Variants in PPARA observed in about 807,000 individuals in gnomAD.
PPARA encodes the protein peroxisome proliferator-activated receptor alpha.
A neutral mutation model predicts 42.2 loss-of-function variants in PPARA; 22 were observed. The ratio of observed to expected loss-of-function variants is 0.52; its 90% CI spans 0.37 to 0.74. The LOEUF is 0.74. PPARA is among the 30% of genes least tolerant of loss of function. The pLI, the probability that PPARA is intolerant of heterozygous loss-of-function variation, is 0.00. For missense variants in PPARA, 465 were observed against 608.2 expected (o/e 0.76, Z 2.48); for synonymous variants, 242 against 239.3 (o/e 1.01, Z -0.10).
chr22:46,175,478 C>T (rs1928890507), intron 2 of PPARA, among the ~76,000 whole-genome samples: 1 of 151,656 alleles, frequency 6.6e-6, no homozygotes, highest in Non-Finnish European at 1.5e-5. Context: ...CTTTGGGAGG[C>T]CGAGGCAGGC....
At chr22:46,178,493 G>A (rs764483121) in intron 3 of PPARA, among the ~76,000 whole-genome samples, 2 of 152,192 alleles carry the variant, frequency 1.3e-5, no homozygotes, top group Non-Finnish European at 1.5e-5. Flanking sequence ...AGGGGAAACT[G>A]AGGCAGATCT....
chr22:46,212,575 A>G lies in PPARA; in HGVS notation c.209-2598A>G, dbSNP rs565836595. Among the ~76,000 whole-genome samples, 95 of 152,310 alleles carry G rather than the reference A, an allele frequency of 6.2e-4. No individual in the cohort carries two copies. The highest frequency in any genetic ancestry group is 1.8e-3 in the Admixed American group (27 of 15,292). ...AGCAATATGCATTTAAGAGTCATCC[A>G]TGTCTTTCCATGGCTTGATATCTCA... On this transcript the variant is annotated intron_variant, in intron 4 of 8. Coordinates refer to ENST00000407236, the MANE Select transcript of PPARA (RefSeq NM_005036.6). This position sits in a 1 kb window ranked among gnomAD's most constrained non-coding sequence, Gnocchi z 4.2.
intron 3 of PPARA, among the ~76,000 whole-genome samples, chr22:46,186,941 G>A (rs9626751): frequency 0.092 from 13,957 of 152,100 alleles, 743 homozygotes; most frequent in African/African-American, 0.14. Context: ...ATAATAAAAT[G>A]GAACAATTAT....
At chr22:46,198,783 C>T (rs1891379942) in intron 4 of PPARA, among the ~76,000 whole-genome samples, 192 bp downstream of exon 4, 1 of 151,728 alleles carries the variant, frequency 6.6e-6, no homozygotes, top group Non-Finnish European at 1.5e-5. Context: ...GCCTCAGCCT[C>T]CCGAGTAGCT....
intron 4 of PPARA, among the ~76,000 whole-genome samples, chr22:46,210,034 T>C (rs567026222): frequency 2.0e-5 from 3 of 151,396 alleles, no homozygotes; most frequent in East Asian, 4.0e-4. Flanking sequence ...CATGAGCCAC[T>C]GTACCCAGCC....
chr22:46,182,061 G>C lies in PPARA; in HGVS notation c.-43+5225G>C, dbSNP rs1216161009. ...GGGTTTTGCCACATTGGCCAGGCTG[G>C]TCTTGAACTCCTGACCTCAGACAGT... On this transcript the variant is annotated intron_variant, in intron 3 of 8. Coordinates refer to ENST00000407236, the MANE Select transcript of PPARA (RefSeq NM_005036.6). The surrounding 1 kb of genome is among the most constrained non-coding windows in gnomAD (Gnocchi z 5.2). Among the ~76,000 whole-genome samples the C allele has an allele frequency of 1.3e-5, 2 of 152,194 alleles. No individual in the cohort carries two copies. Among genetic ancestry groups the C allele is most frequent in the African/African-American group, 2.4e-5 (1 of 41,450 alleles).
intron 7 of PPARA, chr22:46,220,237 GTTA>G: frequency 1.6e-6 from 1 of 607,348 alleles, no homozygotes; most frequent in Admixed American, 2.7e-5. Flanking sequence ...TAGCAACTAA[GTTA>G]TTATACTGGC....
chr22:46,210,216 G>A (rs1933786132), intron 4 of PPARA, among the ~76,000 whole-genome samples: 1 of 150,664 alleles, frequency 6.6e-6, no homozygotes, highest in African/African-American at 2.4e-5. Context: ...GGCTGAGGCA[G>A]GAGAATTGCT....
Position 46,219,874 on chromosome 22 carries a change from TG to T in PPARA, c.572del (p.Cys191LeufsTer5). Reference protein sequence around the residue: ...KAKLKAEILTCEHDIEDSETA... With the variant: ...KAKLKAEILTXEHDIEDSETA... Reference sequence around the variant, plus strand: ...AAAACTGAAAGCAGAAATTCTTACCTGTGAACATGACATAGAAGATTCTGAA... The same window carrying T: ...AAAACTGAAAGCAGAAATTCTTACCTTGAACATGACATAGAAGATTCTGAA... On this transcript the variant is annotated frameshift_variant, in exon 7 of 9. Transcript: ENST00000407236. LOFTEE classifies it high-confidence loss of function. This position sits in a 1 kb window ranked among gnomAD's most constrained non-coding sequence, Gnocchi z 4.8. 1.2e-6 allele frequency: 2 copies of T among 1,614,202 alleles called. No homozygotes were observed. The highest frequency in any genetic ancestry group is 1.7e-6 in the Non-Finnish European group (2 of 1,180,042).
At position 46,203,956 on chromosome 22, in the gene PPARA, T is replaced by C. The variant is rs919869316; in HGVS notation, c.208+5365T>C. On this transcript the variant is annotated intron_variant, in intron 4 of 8. Transcript: ENST00000407236. The surrounding 1 kb of genome is among the most constrained non-coding windows in gnomAD (Gnocchi z 5.8). ...CCTGCATCTATCAGTAGTGCCTCTG[T>C]CTGTCACCCCTAAAGTTTACTTGTG... Among the ~76,000 whole-genome samples the C allele has an allele frequency of 1.3e-5, 2 of 150,268 alleles. No homozygotes were observed. Among genetic ancestry groups the C allele is most frequent in the Non-Finnish European group, 1.5e-5 (1 of 68,018 alleles).
Position 46,184,404 on chromosome 22 carries a change from C to G in PPARA, c.-43+7568C>G, listed in dbSNP as rs758218103. Among the ~76,000 whole-genome samples, 17 of 152,144 alleles carry G rather than the reference C, an allele frequency of 1.1e-4. No homozygotes were observed. Among genetic ancestry groups the G allele is most frequent in the Non-Finnish European group, 2.2e-4 (15 of 68,036 alleles). On this transcript the variant is annotated intron_variant, in intron 3 of 8. Coordinates refer to ENST00000407236, the MANE Select transcript of PPARA (RefSeq NM_005036.6). The surrounding 1 kb of genome is among the most constrained non-coding windows in gnomAD (Gnocchi z 4.4). Reference sequence around the variant, plus strand: ...GAATCTCAGAGAGAGACACAGTTACCTTTTAGTTACACTAATGGGGAAAAC... The same window carrying G: ...GAATCTCAGAGAGAGACACAGTTACGTTTTAGTTACACTAATGGGGAAAAC...
intron 1 of PPARA, among the ~76,000 whole-genome samples, chr22:46,151,527 T>C (rs541876715): frequency 8.5e-5 from 13 of 152,350 alleles, no homozygotes; most frequent in African/African-American, 3.1e-4. Flanking sequence ...TTTTCTGAAG[T>C]CTTTTTTAAA....
At position 46,180,517 on chromosome 22, in the gene PPARA, A is replaced by G. The variant is rs1929801065; in HGVS notation, c.-43+3681A>G. Among the ~76,000 whole-genome samples the G allele has an allele frequency of 6.6e-6, 1 of 152,218 alleles. No homozygotes were observed. Among genetic ancestry groups the G allele is most frequent in the Admixed American group, 6.5e-5 (1 of 15,288 alleles). On this transcript the variant is annotated intron_variant, in intron 3 of 8. Coordinates refer to ENST00000407236, the MANE Select transcript of PPARA (RefSeq NM_005036.6). This position sits in a 1 kb window ranked among gnomAD's most constrained non-coding sequence, Gnocchi z 4.2. Reference sequence around the variant, plus strand: ...ATTCCTGTTTTCCCTGCACAGCTGCAAGTTCACAAGGCAGATAAGCTTAAG... The same window carrying G: ...ATTCCTGTTTTCCCTGCACAGCTGCGAGTTCACAAGGCAGATAAGCTTAAG...
At chr22:46,201,434 G>A (rs185787368) in intron 4 of PPARA, among the ~76,000 whole-genome samples, 16 of 152,266 alleles carry the variant, frequency 1.1e-4, no homozygotes, top group African/African-American at 3.6e-4. Context: ...GAGGATAAGC[G>A]CTGTGGAAGG....
In PPARA at chr22:46,187,358, C is replaced by T. The variant is rs1930959896; in HGVS notation, c.-43+10522C>T. Among the ~76,000 whole-genome samples the T allele has an allele frequency of 6.6e-6, 1 of 152,244 alleles. No individual in the cohort carries two copies. Among genetic ancestry groups the T allele is most frequent in the Non-Finnish European group, 1.5e-5 (1 of 68,050 alleles). On this transcript the variant is annotated intron_variant, in intron 3 of 8. Coordinates refer to ENST00000407236, the MANE Select transcript of PPARA (RefSeq NM_005036.6). The surrounding 1 kb of genome is among the most constrained non-coding windows in gnomAD (Gnocchi z 4.9). ...TATATTCCAAATTTCGTGGGTGCCA[C>T]CTCCTCTGCCCAGTGACTTAAGCCA...
intron 2 of PPARA, among the ~76,000 whole-genome samples, chr22:46,172,283 G>A (rs113700383): frequency 2.1e-4 from 32 of 148,902 alleles, no homozygotes; most frequent in African/African-American, 7.2e-4. Flanking sequence ...GATGCCATGA[G>A]CTGGGATGGA....
chr22:46,198,320 A>G, intron 3 of PPARA, 22 bp from the exon 4 acceptor site: 4 of 1,364,166 alleles, frequency 2.9e-6, no homozygotes, highest in Middle Eastern at 2.2e-4. Flanking sequence ...CAGTCTTACC[A>G]ATTGTTCCTC....
At position 46,200,441 on chromosome 22, in the gene PPARA, T is replaced by G. The variant is rs573970778; in HGVS notation, c.208+1850T>G. 6.6e-6 allele frequency among the ~76,000 whole-genome samples: 1 copy of G among 152,372 alleles called. No individual in the cohort carries two copies. ...TACTGTACTGAACGGCGTAGGCCCCTGTGACACAATGGTAAGTATTTGTGC... is the reference window on the plus strand; with the variant it reads ...TACTGTACTGAACGGCGTAGGCCCCGGTGACACAATGGTAAGTATTTGTGC... On this transcript the variant is annotated intron_variant, in intron 4 of 8. Transcript: ENST00000407236. The surrounding 1 kb of genome is among the most constrained non-coding windows in gnomAD (Gnocchi z 4.8).
At position 46,161,361 on chromosome 22, in the gene PPARA, G is replaced by A. The variant is rs1174463594; in HGVS notation, c.-127+9391G>A. On this transcript the variant is annotated intron_variant, in intron 2 of 8. Transcript: ENST00000407236. This position sits in a 1 kb window ranked among gnomAD's most constrained non-coding sequence, Gnocchi z 4.8. ...AGGAACAATTAAAAATTAGAATTCAGGTGAGTGGATCACGAGGTCAAGAGA... is the reference window on the plus strand; with the variant it reads ...AGGAACAATTAAAAATTAGAATTCAAGTGAGTGGATCACGAGGTCAAGAGA... 6.6e-6 allele frequency among the ~76,000 whole-genome samples: 1 copy of A among 152,130 alleles called. No homozygotes were observed. Among genetic ancestry groups the A allele is most frequent in the Non-Finnish European group, 1.5e-5 (1 of 68,022 alleles).
Sources: allele counts gnomAD v4.1 joint callset (sites outside exome capture counted in the v4.1 genomes callset), GRCh38; gene constraint gnomAD v4.1.1; non-coding constraint Gnocchi (gnomAD v3.1); transcripts MANE v1.5; gene names NCBI Gene and HGNC (gene_info 2026-07-23, HGNC 2026-07-21).